GMCL1: variants seen among roughly 807,000 people sequenced by gnomAD.
GMCL1 encodes germ cell-less protein-like 1.
Under a neutral mutation model 75.5 loss-of-function variants are expected in GMCL1, and 54 were observed. That is an observed-to-expected ratio of 0.71 (90% CI 0.57 to 0.90). The LOEUF (loss-of-function observed/expected upper bound fraction) is 0.90. Among genes scored for constraint, GMCL1 ranks in the 40% least tolerant of loss-of-function variants. The pLI is 0.00. For synonymous variants in GMCL1, 210 were observed against 209.6 expected, an observed-to-expected ratio of 1.00 and a Z score of -0.02; for missense variants, 537 against 622.7, an observed-to-expected ratio of 0.86 and a Z score of 1.47.
At chr2:69,864,367 T>C (rs1460321580) in intron 10 of GMCL1, among the ~76,000 whole-genome samples, 1 of 151,988 alleles carries the variant, frequency 6.6e-6, no homozygotes, top group Non-Finnish European at 1.5e-5. Context: ...GATAACAGTA[T>C]TTCTCTTAGT....
intron 1 of GMCL1, among the ~76,000 whole-genome samples, chr2:69,831,737 G>A (rs1674678701): frequency 6.6e-6 from 1 of 152,108 alleles, no homozygotes; most frequent in Admixed American, 6.5e-5. Context: ...CTTCTGTGTA[G>A]CTGAGACCAC....
chr2:69,865,733 G>A (rs1297882213), intron 11 of GMCL1, among the ~76,000 whole-genome samples: 1 of 151,982 alleles, frequency 6.6e-6, no homozygotes, highest in Non-Finnish European at 1.5e-5. Flanking sequence ...ACTTACCCCT[G>A]TGCATCCAGA....
intron 9 of GMCL1, among the ~76,000 whole-genome samples, chr2:69,855,601 A>G (rs182497845): frequency 6.6e-6 from 1 of 152,248 alleles, no homozygotes; most frequent in African/African-American, 2.4e-5. Context: ...TGACATAGCT[A>G]TATGTTTATA....
chr2:69,846,244 C>T (rs1433726149), intron 6 of GMCL1, among the ~76,000 whole-genome samples: 2 of 152,066 alleles, frequency 1.3e-5, no homozygotes, highest in Admixed American at 6.6e-5. Flanking sequence ...GTTAGAAACA[C>T]TTTAATACAG....
At chr2:69,844,503 T>TC (rs1675076949) in intron 6 of GMCL1, 1 of 175,638 alleles carries the variant, frequency 5.7e-6, no homozygotes, top group African/African-American at 2.4e-5. Context: ...TTAAAAATCA[T>TC]CTTTTTTATT....
chr2:69,872,945 C>T (rs1053910504), intron 13 of GMCL1, among the ~76,000 whole-genome samples: 1 of 152,158 alleles, frequency 6.6e-6, no homozygotes, highest in Non-Finnish European at 1.5e-5. Flanking sequence ...ATTTGTGTCC[C>T]CACCATGTGC....
At position 69,829,841 on chromosome 2, in the gene GMCL1, G is replaced by A; in HGVS notation, c.-52G>A. On this transcript the variant is annotated 5_prime_UTR_variant, in exon 1 of 14. It removes an upstream start codon present in the reference 5' UTR. Coordinates refer to ENST00000282570, the MANE Select transcript of GMCL1 (RefSeq NM_178439.5). ...AGGCTGGCGGCGGCGGCCGAGCCAT[G>A]GCGGGAGACCCCCTTCTCTGGGCTC... 2 of 1,491,480 alleles carry A rather than the reference G, an allele frequency of 1.3e-6. No individual in the cohort carries two copies. Among genetic ancestry groups the A allele is most frequent in the South Asian group, 2.7e-5 (2 of 73,312 alleles). 92.4% of individuals were successfully genotyped at this position (1,491,480 alleles called of 1,614,324 possible).
chr2:69,830,408 C>T (rs781073152), intron 1 of GMCL1, among the ~76,000 whole-genome samples: 1 of 152,226 alleles, frequency 6.6e-6, no homozygotes, highest in Non-Finnish European at 1.5e-5. Context: ...GGATGAGAAA[C>T]GCCAAGCCCG....
chr2:69,872,592 T>C (rs1011492641), intron 13 of GMCL1, among the ~76,000 whole-genome samples: 1 of 152,204 alleles, frequency 6.6e-6, no homozygotes, highest in Non-Finnish European at 1.5e-5. Context: ...GAAGTGATCA[T>C]TGTAACCTCA....
Position 69,849,738 on chromosome 2 carries a change from G to T in GMCL1, c.930G>T (p.Arg310Ser). 3 of 1,575,700 alleles carry T rather than the reference G, an allele frequency of 1.9e-6. No individual in the cohort carries two copies. The highest frequency in any genetic ancestry group is 2.6e-6 in the Non-Finnish European group (3 of 1,162,730). ...CAGATGTCTGGTTTTCTAAACAGAG[G>T]AAAGGTAGGCCTGAAGTTTTTGAGA... ...TETDVWFSKQ[R>S]KDFEGMAFLE... is the part of the protein sequence containing the mutation. The change falls in exon 8 of 14, where the codon AGG becomes AGT. Residue 310 changes from arginine to serine, a missense_variant. Physicochemically the swap from Arg to Ser is moderately radical, Grantham distance 110. Transcript: ENST00000282570.
At position 69,837,688 on chromosome 2, in the gene GMCL1, T is replaced by C. The variant is rs758952436; in HGVS notation, c.384+18T>C. 179 of 1,591,748 alleles carry C rather than the reference T, an allele frequency of 1.1e-4. No homozygotes were observed. Among genetic ancestry groups the C allele is most frequent in the Non-Finnish European group, 1.5e-4 (174 of 1,173,506 alleles). On this transcript the variant is annotated intron_variant, in intron 2 of 13. Coordinates refer to ENST00000282570, the MANE Select transcript of GMCL1 (RefSeq NM_178439.5). ...TATGTCAAGTAAGTATTTTTTCTAT[T>C]TGAGTAACAGGGTAGTCACTGAAAC...
chr2:69,854,976 T>C lies in GMCL1; in HGVS notation c.1072+16T>C, dbSNP rs745501512. 9 of 1,563,890 alleles carry C rather than the reference T, an allele frequency of 5.8e-6. No homozygotes were observed. The highest frequency in any genetic ancestry group is 5.2e-6 in the Non-Finnish European group (6 of 1,150,074). ...GTACCTTCAGGTAAGAGAACATAAT[T>C]TGTAATTTTAAGTAATATATTTCTG... On this transcript the variant is annotated intron_variant, in intron 9 of 13. Coordinates refer to ENST00000282570, the MANE Select transcript of GMCL1 (RefSeq NM_178439.5).
intron 13 of GMCL1, among the ~76,000 whole-genome samples, chr2:69,872,585 G>A (rs1676013557): frequency 6.6e-6 from 1 of 152,178 alleles, no homozygotes; most frequent in Non-Finnish European, 1.5e-5. Context: ...AACCCCGGAA[G>A]TGATCATTGT....
At chr2:69,848,142 G>A (rs1675207869) in intron 7 of GMCL1, among the ~76,000 whole-genome samples, 2 of 152,176 alleles carry the variant, frequency 1.3e-5, no homozygotes. Flanking sequence ...CTTCCATGTA[G>A]ATAGTGAGAC....
Position 69,847,217 on chromosome 2 carries a change from A to G in GMCL1, c.759-326A>G, listed in dbSNP as rs368652977. Among the ~76,000 whole-genome samples the G allele has an allele frequency of 1.8e-4, 28 of 152,244 alleles. No homozygotes were observed. In the South Asian group the frequency reaches 5.2e-3, roughly 28 times the overall value. On this transcript the variant is annotated intron_variant, in intron 6 of 13. Transcript: ENST00000282570. The stretch of plus-strand genomic sequence containing the variant: ...TGCCATTTTATCAGAGCATACTTAA[A>G]GTTATCTTACCGGAACCTTGCTTTA...
In GMCL1 at chr2:69,856,161, T is replaced by G. The variant is rs959695973; in HGVS notation, c.1072+1201T>G. On this transcript the variant is annotated intron_variant, in intron 9 of 13. Coordinates refer to ENST00000282570, the MANE Select transcript of GMCL1 (RefSeq NM_178439.5). Reference sequence around the variant, plus strand: ...TGTGAAGAGACAGAAGGAAGCCACCTAATTCACATTATTGAGATAGGCTGA... The same window carrying G: ...TGTGAAGAGACAGAAGGAAGCCACCGAATTCACATTATTGAGATAGGCTGA... Among the ~76,000 whole-genome samples the G allele has an allele frequency of 2.6e-5, 4 of 152,342 alleles. No homozygotes were observed. In the South Asian group the frequency reaches 6.2e-4, roughly 24 times the overall value.
At chr2:69,872,047 C>G (rs1275164060) in intron 13 of GMCL1, among the ~76,000 whole-genome samples, 2 of 152,126 alleles carry the variant, frequency 1.3e-5, no homozygotes, top group African/African-American at 4.8e-5. Flanking sequence ...AAAGAAAACA[C>G]TGTTTGAGGG....
intron 6 of GMCL1, among the ~76,000 whole-genome samples, chr2:69,846,558 C>T (rs76290883): frequency 6.6e-6 from 1 of 152,172 alleles, no homozygotes; most frequent in Admixed American, 6.5e-5. Context: ...AGGGGGATGA[C>T]TCTAATTTCT....
chr2:69,857,467 C>T (rs11902295), intron 9 of GMCL1, among the ~76,000 whole-genome samples: 34,777 of 152,084 alleles, frequency 0.23, 4,311 homozygotes, highest in East Asian at 0.37. Flanking sequence ...TTTCCTTCAG[C>T]AATTGTATCA....
Sources: gnomAD v4.1 joint callset for allele counts (sites outside exome capture counted in the v4.1 genomes callset) on GRCh38, gnomAD v4.1.1 for gene constraint, MANE v1.5 for transcripts, NCBI Gene and HGNC (gene_info 2026-07-23, HGNC 2026-07-21) for gene names.